CRLS1: variants seen among roughly 807,000 people sequenced by gnomAD.
The protein encoded by CRLS1 is cardiolipin synthase (CMP-forming).
Under a neutral mutation model 37.0 loss-of-function variants are expected in CRLS1, and 24 were observed. The ratio of observed to expected loss-of-function variants is 0.65; its 90% confidence interval spans 0.47 to 0.91. The LOEUF (loss-of-function observed/expected upper bound fraction) is 0.91, where lower values mean the gene tolerates loss of function less well. Among genes scored for constraint, CRLS1 ranks in the 40% least tolerant of loss-of-function variants. The probability of loss-of-function intolerance (pLI) is 0.00; values close to 1 mark genes in which losing one functional copy is unlikely to be tolerated. For missense variants in CRLS1, 373 were observed against 395.8 expected (o/e 0.94, Z 0.49); for synonymous variants, 135 against 159.7 (o/e 0.85, Z 1.17).
chr20:6,006,331 C>G lies in CRLS1; in HGVS notation c.85C>G (p.Arg29Gly), dbSNP rs964454807. Residue 29 changes from arginine to glycine, a missense_variant, in exon 1 of 7, where the codon CGC becomes GGC. Physicochemically the swap from Arg to Gly is moderately radical, Grantham distance 125. Coordinates refer to ENST00000378863, the MANE Select transcript of CRLS1 (RefSeq NM_019095.6). ...WAPGTRPSKRRACWALLPPVP... is the reference protein window; with the variant it reads ...WAPGTRPSKRGACWALLPPVP... ...TCCGGGAACGCGGCCGAGTAAGCGACGCGCCTGCTGGGCCCTGCTGCCGCC... is the reference window on the plus strand; with the variant it reads ...TCCGGGAACGCGGCCGAGTAAGCGAGGCGCCTGCTGGGCCCTGCTGCCGCC... 2 of 1,352,642 alleles carry G rather than the reference C, an allele frequency of 1.5e-6. No individual in the cohort carries two copies. Among genetic ancestry groups the G allele is most frequent in the East Asian group, 6.3e-5 (2 of 31,594 alleles). The allele number at this position is 1,352,642 out of a possible 1,614,324, so 83.8% of individuals were successfully genotyped here.
intron 3 of CRLS1, chr20:6,028,684 G>A (rs1979910606): frequency 6.6e-6 from 1 of 152,194 alleles, no homozygotes; most frequent in Non-Finnish European, 1.5e-5. Flanking sequence ...ACTCAGCTCT[G>A]CTGTTGTAGT....
chr20:6,009,345 A>T (rs1283616470), intron 1 of CRLS1, among the ~76,000 whole-genome samples: 3 of 151,586 alleles, frequency 2.0e-5, no homozygotes, highest in Non-Finnish European at 4.4e-5. Context: ...AAAAAAAGAG[A>T]AAAGGAAACC....
chr20:6,023,336 G>C (rs1220413020), intron 3 of CRLS1: 1 of 152,026 alleles, frequency 6.6e-6, no homozygotes, highest in Non-Finnish European at 1.5e-5. Flanking sequence ...TGATTCTTAT[G>C]AACAAGGCAT....
intron 5 of CRLS1, among the ~76,000 whole-genome samples, chr20:6,033,631 T>C (rs1980344846): frequency 6.6e-6 from 1 of 152,192 alleles, no homozygotes; most frequent in Non-Finnish European, 1.5e-5. Context: ...TGTCTTTTAG[T>C]GTAGGGAAGC....
chr20:6,020,798 A>T (rs1168284177), intron 3 of CRLS1, among the ~76,000 whole-genome samples: 6 of 139,458 alleles, frequency 4.3e-5, no homozygotes, highest in South Asian at 2.3e-4. Context: ...AATTTTTTGT[A>T]TTTTTTTTTT....
intron 3 of CRLS1, among the ~76,000 whole-genome samples, chr20:6,019,996 T>C (rs1979128570): frequency 6.6e-6 from 1 of 152,136 alleles, no homozygotes; most frequent in African/African-American, 2.4e-5. Context: ...ATTCTTTAGA[T>C]CAATTCTGTC....
chr20:6,017,405 A>C (rs1373040211), intron 3 of CRLS1, among the ~76,000 whole-genome samples: 2 of 152,166 alleles, frequency 1.3e-5, no homozygotes, highest in Admixed American at 6.5e-5. Context: ...TTAAAAAGTT[A>C]TCTCTCTTAA....
At chr20:6,031,064 T>C (rs745430793) in intron 3 of CRLS1, 18 of 411,942 alleles carry the variant, frequency 4.4e-5, no homozygotes, top group Admixed American at 2.2e-4. Flanking sequence ...TTCAAAGCCA[T>C]AGTCTGTACT....
At chr20:6,015,584 C>CA (rs1206272370) in intron 3 of CRLS1, 94 bp downstream of exon 3, 2 of 1,274,086 alleles carry the variant, frequency 1.6e-6, no homozygotes, top group Admixed American at 1.7e-5. Context: ...ATTTTTGTTC[C>CA]AAAAATATAG....
Position 6,019,363 on chromosome 20 carries a change from A to C in CRLS1, c.574+3873A>C, listed in dbSNP as rs1196942601. 5.3e-5 allele frequency among the ~76,000 whole-genome samples: 8 copies of C among 152,032 alleles called. No homozygotes were observed. The South Asian group carries it at 1.7e-3, about 32-fold the overall frequency. On this transcript the variant is annotated intron_variant, in intron 3 of 6. Transcript: ENST00000378863. ...AAATGTATCATACGGTGTTTATGGT[A>C]TCCTCATTAACTTTATTTATTTACT...
Position 6,038,407 on chromosome 20 carries a change from C to G in CRLS1, c.*1249C>G, listed in dbSNP as rs549332964. ...TTAGAATGGGAGGCTGTAAGTAAAA[C>G]TCATGCCTCTTGGCCAGGCATTCTG... On this transcript the variant is annotated 3_prime_UTR_variant, in exon 7 of 7. Transcript: ENST00000378863. 5.2e-5 allele frequency: 8 copies of G among 152,440 alleles called. No individual in the cohort carries two copies. Among genetic ancestry groups the G allele is most frequent in the African/African-American group, 1.9e-4 (8 of 41,584 alleles). The allele number at this position is 152,440 out of a possible 1,614,324, so 9.4% of individuals were successfully genotyped here.
chr20:6,037,156 T>C lies in CRLS1; in HGVS notation c.904T>C (p.Ter302ArgextTer1). The C allele has an allele frequency of 6.8e-6, 11 of 1,609,182 alleles. No individual in the cohort carries two copies. The highest frequency in any genetic ancestry group is 8.5e-6 in the Non-Finnish European group (10 of 1,175,880). Residue 302 changes from the stop codon to arginine, a stop_lost, in exon 7 of 7, where the codon TGA (stop) becomes CGA (arginine). Transcript: ENST00000378863. ...GAAGACTGTTCAGGTGATAAAAGAC[T>C]GATGAAAGTCATCCCTCACTGTTAG... is the stretch of plus-strand genomic sequence containing the variant. ...GRKTVQVIKD[*>R]
rs2090051202 is a variant in CRLS1, at chr20:6,006,219, C to T, written c.-28C>T. The T allele has an allele frequency of 1.7e-6, 2 of 1,204,240 alleles. No homozygotes were observed. Among genetic ancestry groups the T allele is most frequent in the Non-Finnish European group, 2.1e-6 (2 of 966,176 alleles). 74.6% of individuals were successfully genotyped at this position (1,204,240 alleles called of 1,614,324 possible). A position where few individuals can be genotyped will look rare whatever the true frequency, so the allele number is the denominator to read the frequency against. Reference sequence around the variant, plus strand: ...CCCAGGCTGCTGAGCTCTCGCCGCCCGAGACCCCGCGGCGCGGCCGCAGGG... The same window carrying T: ...CCCAGGCTGCTGAGCTCTCGCCGCCTGAGACCCCGCGGCGCGGCCGCAGGG... On this transcript the variant is annotated 5_prime_UTR_variant, in exon 1 of 7. Coordinates refer to ENST00000378863, the MANE Select transcript of CRLS1 (RefSeq NM_019095.6).
intron 3 of CRLS1, among the ~76,000 whole-genome samples, chr20:6,025,889 G>C (rs927888483): frequency 6.6e-6 from 1 of 152,216 alleles, no homozygotes; most frequent in Non-Finnish European, 1.5e-5. Context: ...GCAATCTCTT[G>C]ATAAAAATTA....
In CRLS1 at chr20:6,040,048, T is replaced by A. The variant is rs1175338867; in HGVS notation, c.*2890T>A. On this transcript the variant is annotated 3_prime_UTR_variant, in exon 7 of 7. Transcript: ENST00000378863. ...AATTAATAAATGCCAATGTTGAAAATTAAAATCTAGAAATATGGCTCTAAT... is the reference window on the plus strand; with the variant it reads ...AATTAATAAATGCCAATGTTGAAAAATAAAATCTAGAAATATGGCTCTAAT... The A allele has an allele frequency of 6.6e-6, 1 of 152,158 alleles. No individual in the cohort carries two copies. The highest frequency in any genetic ancestry group is 1.9e-4 in the East Asian group (1 of 5,204). The allele number at this position is 152,158 out of a possible 1,614,324, so 9.4% of individuals were successfully genotyped here.
At chr20:6,033,334 C>T (rs1288558572) in intron 5 of CRLS1, among the ~76,000 whole-genome samples, 4 of 151,864 alleles carry the variant, frequency 2.6e-5, no homozygotes, top group Non-Finnish European at 5.9e-5. Flanking sequence ...CGGGGTTTCA[C>T]CATGTTGGTC....
chr20:6,010,218 A>G (rs2090115469), intron 2 of CRLS1, among the ~76,000 whole-genome samples: 1 of 152,066 alleles, frequency 6.6e-6, no homozygotes, highest in Non-Finnish European at 1.5e-5. Flanking sequence ...TGCTTGCTTT[A>G]GGGATAGAAA....
chr20:6,037,340 A>G lies in CRLS1; in HGVS notation c.*182A>G, dbSNP rs1407532077. On this transcript the variant is annotated 3_prime_UTR_variant, in exon 7 of 7. Coordinates refer to ENST00000378863, the MANE Select transcript of CRLS1 (RefSeq NM_019095.6). Reference sequence around the variant, plus strand: ...AATAAGGTTGATCATGGGAATATGCAGAATTTCCAATGTATTTTTAAATAC... The same window carrying G: ...AATAAGGTTGATCATGGGAATATGCGGAATTTCCAATGTATTTTTAAATAC... The G allele has an allele frequency of 4.9e-5, 19 of 390,538 alleles. No individual in the cohort carries two copies. In the East Asian group the frequency reaches 6.3e-4, roughly 13 times the overall value. 24.2% of individuals were successfully genotyped at this position (390,538 alleles called of 1,614,324 possible).
Position 6,031,287 on chromosome 20 carries a change from C to G in CRLS1, c.577C>G (p.Pro193Ala). The G allele has an allele frequency of 1.3e-6, 2 of 1,597,554 alleles. No homozygotes were observed. The highest frequency in any genetic ancestry group is 1.3e-5 in the African/African-American group (1 of 74,594). ...SLTYADLIPV[P>A]LTYMIISRDV... Reference sequence around the variant, plus strand: ...ATTATTTTATGTTTGATTTTCAGTTCCACTTACTTACATGATCATTTCGAG... The same window carrying G: ...ATTATTTTATGTTTGATTTTCAGTTGCACTTACTTACATGATCATTTCGAG... Residue 193 changes from proline to alanine, a missense_variant and splice_region_variant, in exon 4 of 7, where the codon CCA (proline) becomes GCA (alanine). Coordinates refer to ENST00000378863, the MANE Select transcript of CRLS1 (RefSeq NM_019095.6).
Sources: allele counts gnomAD v4.1 joint callset (sites outside exome capture counted in the v4.1 genomes callset), GRCh38; gene constraint gnomAD v4.1.1; transcripts MANE v1.5; gene names NCBI Gene and HGNC (gene_info 2026-07-23, HGNC 2026-07-21).